Variants in AGTRAP observed in about 807,000 individuals in gnomAD.
AGTRAP encodes the protein type-1 angiotensin II receptor-associated protein.
In AGTRAP, 7 loss-of-function variants were observed where a neutral mutation model predicts 15.2. That is an observed-to-expected ratio of 0.46 (90% CI 0.26 to 0.87). The LOEUF (loss-of-function observed/expected upper bound fraction) is 0.87, where lower values mean the gene tolerates loss of function less well. AGTRAP is among the 40% of genes least tolerant of loss of function. AGTRAP has a pLI of 0.15. For missense variants in AGTRAP, 187 were observed against 213.4 expected (o/e 0.88, Z 0.77); for synonymous variants, 74 against 89.6 (o/e 0.83, Z 0.98).
At position 11,748,397 on chromosome 1, in the gene AGTRAP, G is replaced by A. The variant is rs779002764; in HGVS notation, c.169-18G>A. ...CGTGGTGGGGGTGTTGTGCTCATCA[G>A]TGTGGTGTGTCTTGCAGTTTCTGGG... On this transcript the variant is annotated intron_variant, in intron 3 of 4. Transcript: ENST00000314340. 11 of 1,610,634 alleles carry A rather than the reference G, an allele frequency of 6.8e-6. No individual in the cohort carries two copies. The South Asian group carries it at 1.2e-4, about 18-fold the overall frequency.
intron 1 of AGTRAP, among the ~76,000 whole-genome samples, chr1:11,743,043 T>G (rs2100768856): frequency 6.6e-6 from 1 of 152,200 alleles, no homozygotes; most frequent in East Asian, 1.9e-4. Context: ...GCTCCCAATT[T>G]GGGGCTCCTG....
intron 1 of AGTRAP, among the ~76,000 whole-genome samples, chr1:11,740,925 TGACTCTGCGG>T (rs771041384): frequency 9.9e-5 from 15 of 152,180 alleles, no homozygotes; most frequent in Non-Finnish European, 1.9e-4. Context: ...CCACTGTGGC[TGACTCTGCGG>T]TGTGGCCCTG....
chr1:11,749,165 GC>G (rs1642251411), intron 4 of AGTRAP, among the ~76,000 whole-genome samples: 1 of 152,210 alleles, frequency 6.6e-6, no homozygotes, highest in Admixed American at 6.5e-5. Flanking sequence ...CCTTACACCT[GC>G]CCTCTCCCAC....
At chr1:11,748,297 T>C (rs1642220741) in intron 3 of AGTRAP, 118 bp from the exon 4 acceptor site, 4 of 1,172,438 alleles carry the variant, frequency 3.4e-6, no homozygotes, top group East Asian at 2.6e-5. Context: ...CTTGATCCAT[T>C]TTCCCGCAAG....
intron 1 of AGTRAP, among the ~76,000 whole-genome samples, chr1:11,740,591 C>T (rs999600894): frequency 4.6e-5 from 7 of 152,138 alleles, no homozygotes; most frequent in Non-Finnish European, 7.3e-5. Flanking sequence ...GCCCTTCCAG[C>T]GCTAGGAAAA....
At chr1:11,747,412 G>C (rs778219177) in intron 2 of AGTRAP, 28 bp from the exon 3 acceptor site, 17 of 1,607,788 alleles carry the variant, frequency 1.1e-5, no homozygotes, top group Non-Finnish European at 1.4e-5. Flanking sequence ...GTGGCCTCCT[G>C]ACGGGACTGA....
In AGTRAP at chr1:11,750,202, C is replaced by T. The variant is rs372633633; in HGVS notation, c.*10C>T. On this transcript the variant is annotated 3_prime_UTR_variant, in exon 5 of 5. Coordinates refer to ENST00000314340, the MANE Select transcript of AGTRAP (RefSeq NM_020350.5). ...TGCCCGAGGGTACTGAAGCCAGCCA[C>T]GCTGCGCCCGGCCCTGCCCCGGGCC... 25 of 1,607,304 alleles carry T rather than the reference C, an allele frequency of 1.6e-5. No homozygotes were observed. Among genetic ancestry groups the T allele is most frequent in the African/African-American group, 9.3e-5 (7 of 74,976 alleles).
Position 11,745,848 on chromosome 1 carries a change from C to A in AGTRAP, c.62+11C>A, listed in dbSNP as rs1170548426. ...GCTGCTGACAACCTGGTAAGTGACT[C>A]TGTGGGTATCTTGTGTGTCTCCTGC... On this transcript the variant is annotated intron_variant, in intron 2 of 4. Transcript: ENST00000314340. The surrounding 1 kb of genome is among the most constrained non-coding windows in gnomAD (Gnocchi z 4.2). 12 of 1,613,640 alleles carry A rather than the reference C, an allele frequency of 7.4e-6. No individual in the cohort carries two copies. Among genetic ancestry groups the A allele is most frequent in the Non-Finnish European group, 1.0e-5 (12 of 1,179,992 alleles).
rs1642190270 is a variant in AGTRAP at position 11,747,432 on chromosome 1, TC to T, written c.63-6del. ...CTCCTGACGGGACTGAGCTACCTCT[TC>T]CTACAGGGGCTGCATTGTATTCTCA... On this transcript the variant is annotated splice_polypyrimidine_tract_variant and splice_region_variant and intron_variant, in intron 2 of 4. Transcript: ENST00000314340. 6.2e-7 allele frequency: 1 copy of T among 1,613,800 alleles called. No individual in the cohort carries two copies. Among genetic ancestry groups the T allele is most frequent in the Non-Finnish European group, 8.5e-7 (1 of 1,179,718 alleles).
At chr1:11,749,076 A>C (rs544043894) in intron 4 of AGTRAP, among the ~76,000 whole-genome samples, 3 of 152,298 alleles carry the variant, frequency 2.0e-5, no homozygotes, top group South Asian at 4.1e-4. Context: ...GTGCCAGTGT[A>C]GGCTGTGGGA....
Position 11,747,443 on chromosome 1 carries a change from C to T in AGTRAP, c.66C>T (p.Gly22=), listed in dbSNP as rs768613161. 3.1e-6 allele frequency: 5 copies of T among 1,614,032 alleles called. No homozygotes were observed. In the East Asian group the frequency reaches 1.1e-4, roughly 36 times the overall value. ...ACTGAGCTACCTCTTCCTACAGGGG[C>T]TGCATTGTATTCTCAGGCTCCTATG... ...LLGHWLLTTW[G]CIVFSGSYAW... Residue 22 remains glycine, a synonymous_variant, in exon 3 of 5, where the codon GGC becomes GGT. Coordinates refer to ENST00000314340, the MANE Select transcript of AGTRAP (RefSeq NM_020350.5).
intron 1 of AGTRAP, among the ~76,000 whole-genome samples, chr1:11,741,139 A>C: frequency 7.0e-6 from 1 of 142,034 alleles, no homozygotes; most frequent in Non-Finnish European, 1.5e-5. Context: ...AGAAAGTTCC[A>C]CGCCCCCCTT....
At chr1:11,738,201 G>A (rs1320054745) in intron 1 of AGTRAP, among the ~76,000 whole-genome samples, 1 of 152,142 alleles carries the variant, frequency 6.6e-6, no homozygotes, top group African/African-American at 2.4e-5. Flanking sequence ...CCTGTGGCCT[G>A]CACTCCCTCC....
intron 1 of AGTRAP, among the ~76,000 whole-genome samples, chr1:11,739,110 G>A (rs1272874265): frequency 6.6e-6 from 1 of 152,114 alleles, no homozygotes; most frequent in African/African-American, 2.4e-5. Context: ...TGCATTCAAG[G>A]TCTTGAGTAG....
chr1:11,741,253 C>T (rs902570779), intron 1 of AGTRAP, among the ~76,000 whole-genome samples: 1 of 152,140 alleles, frequency 6.6e-6, no homozygotes, highest in Non-Finnish European at 1.5e-5. Context: ...ACCACCCCAA[C>T]CCTCCCAGCC....
In AGTRAP at chr1:11,745,561, G is replaced by A. The variant is rs1265408456; in HGVS notation, c.28-242G>A. Among the ~76,000 whole-genome samples, 2 of 152,176 alleles carry A rather than the reference G, an allele frequency of 1.3e-5. No homozygotes were observed. Among genetic ancestry groups the A allele is most frequent in the African/African-American group, 4.8e-5 (2 of 41,442 alleles). On this transcript the variant is annotated intron_variant, in intron 1 of 4. Transcript: ENST00000314340. The surrounding 1 kb of genome is among the most constrained non-coding windows in gnomAD (Gnocchi z 4.2). ...TCTGACGCTTGGAAGGGGTGTGGGT[G>A]TCAGCTGCCCCATGGGAGGGGTGAA...
intron 1 of AGTRAP, among the ~76,000 whole-genome samples, chr1:11,737,243 C>T (rs1641922613): frequency 6.6e-6 from 1 of 152,214 alleles, no homozygotes; most frequent in South Asian, 2.1e-4. Flanking sequence ...CTTCCTGAAG[C>T]TTCCAGTCAA....
At chr1:11,747,636 C>A in intron 3 of AGTRAP, 91 bp downstream of exon 3, 1 of 1,313,392 alleles carries the variant, frequency 7.6e-7, no homozygotes, top group Non-Finnish European at 1.1e-6. Flanking sequence ...CCATCCCAAT[C>A]TTCCCCCTCT....
At chr1:11,744,352 T>G (rs1458676954) in intron 1 of AGTRAP, among the ~76,000 whole-genome samples, 1 of 152,162 alleles carries the variant, frequency 6.6e-6, no homozygotes, top group Non-Finnish European at 1.5e-5. Context: ...TGTTTTTCCT[T>G]ACCATAAGGC....
Sources: gnomAD v4.1 joint callset for allele counts (sites outside exome capture counted in the v4.1 genomes callset) on GRCh38, gnomAD v4.1.1 for gene constraint, Gnocchi (gnomAD v3.1) non-coding constraint, MANE v1.5 for transcripts, NCBI Gene and HGNC (gene_info 2026-07-23, HGNC 2026-07-21) for gene names.